The following LRFN2 variants were observed in gnomAD, a reference collection of about 807,000 sequenced individuals.
The protein encoded by LRFN2 is leucine-rich repeat and fibronectin type-III domain-containing protein 2.
A neutral mutation model predicts 37.3 loss-of-function variants in LRFN2; 18 were observed. The observed-to-expected ratio is 0.48, with a 90% confidence interval of 0.33 to 0.72. LRFN2 has a LOEUF of 0.72. Among genes scored for constraint, LRFN2 ranks in the 30% least tolerant of loss-of-function variants. The pLI, the probability that LRFN2 is intolerant of heterozygous loss-of-function variation, is 0.02. For missense variants in LRFN2, 1,006 were observed against 1,060.7 expected (o/e 0.95, Z 0.72); for synonymous variants, 556 against 466.6 (o/e 1.19, Z -2.47).
intron 1 of LRFN2, among the ~76,000 whole-genome samples, chr6:40,581,906 A>G (rs1279110102): frequency 6.6e-6 from 1 of 152,102 alleles, no homozygotes; most frequent in Non-Finnish European, 1.5e-5. Flanking sequence ...TGAAGTAGGA[A>G]CCTCCACAGA....
intron 1 of LRFN2, among the ~76,000 whole-genome samples, chr6:40,510,617 C>T (rs914900097): frequency 5.3e-5 from 8 of 152,214 alleles, no homozygotes; most frequent in African/African-American, 1.9e-4. Context: ...AAGAGCTGTG[C>T]CCCAGGGAGT....
intron 2 of LRFN2, among the ~76,000 whole-genome samples, chr6:40,412,557 G>T (rs745552396): frequency 1.3e-5 from 2 of 152,104 alleles, no homozygotes; most frequent in Non-Finnish European, 2.9e-5. Context: ...CCCCTAACAG[G>T]CTATGAGACT....
chr6:40,543,213 A>AT (rs1424440303), intron 1 of LRFN2, among the ~76,000 whole-genome samples: 1 of 152,232 alleles, frequency 6.6e-6, no homozygotes, highest in African/African-American at 2.4e-5. Flanking sequence ...TCCCTGCTTT[A>AT]TAGCGCAGAG....
chr6:40,405,811 A>G (rs748453093), intron 2 of LRFN2, among the ~76,000 whole-genome samples: 16 of 152,172 alleles, frequency 1.1e-4, no homozygotes, highest in South Asian at 2.1e-4. Context: ...GATGACAGGA[A>G]ATTAGGCCAA....
At chr6:40,585,629 C>T (rs1767486250) in intron 1 of LRFN2, among the ~76,000 whole-genome samples, 2 of 152,132 alleles carry the variant, frequency 1.3e-5, no homozygotes, top group African/African-American at 4.8e-5. Context: ...CCAAATCGGC[C>T]CCCACACAAG....
chr6:40,554,091 C>T (rs1293864220), intron 1 of LRFN2, among the ~76,000 whole-genome samples: 1 of 152,244 alleles, frequency 6.6e-6, no homozygotes, highest in African/African-American at 2.4e-5. Flanking sequence ...ATTGCCACCA[C>T]CTGGGAACCA....
At chr6:40,506,861 C>T (rs191430751) in intron 1 of LRFN2, among the ~76,000 whole-genome samples, 8 of 152,222 alleles carry the variant, frequency 5.3e-5, no homozygotes, top group African/African-American at 1.9e-4. Context: ...CTCATTTCTG[C>T]TCTGAGCCTC....
At chr6:40,577,661 C>T (rs1046795538) in intron 1 of LRFN2, among the ~76,000 whole-genome samples, 134 of 141,228 alleles carry the variant, frequency 9.5e-4, no homozygotes, top group African/African-American at 3.4e-3. Flanking sequence ...TCAATTCCCA[C>T]CTATGAGTGA....
chr6:40,468,066 G>A (rs1764512428), intron 1 of LRFN2, among the ~76,000 whole-genome samples: 1 of 152,026 alleles, frequency 6.6e-6, no homozygotes, highest in Non-Finnish European at 1.5e-5. Flanking sequence ...CCCAGGACGG[G>A]GGTTCCCAAA....
chr6:40,413,990 T>A (rs1364925818), intron 2 of LRFN2, among the ~76,000 whole-genome samples: 1 of 152,178 alleles, frequency 6.6e-6, no homozygotes, highest in Non-Finnish European at 1.5e-5. Flanking sequence ...GGCCTCTATT[T>A]TGAAGACATT....
chr6:40,468,966 G>T lies in LRFN2; in HGVS notation c.-18-35835C>A, dbSNP rs76854283. Among the ~76,000 whole-genome samples, 655 of 152,252 alleles carry T rather than the reference G, an allele frequency of 4.3e-3. 11 individuals are homozygous for T. The highest frequency in any genetic ancestry group is 0.037 in the East Asian group (190 of 5,186). ...GGGTTGAATGGAGGCCCCCCAAAAGGTATATCCACGTCCTAATCCCTGAAC... is the reference window on the plus strand; with the variant it reads ...GGGTTGAATGGAGGCCCCCCAAAAGTTATATCCACGTCCTAATCCCTGAAC... On this transcript the variant is annotated intron_variant, in intron 1 of 2. Coordinates refer to ENST00000338305, the MANE Select transcript of LRFN2 (RefSeq NM_020737.3).
chr6:40,406,255 T>A (rs1409090712), intron 2 of LRFN2, among the ~76,000 whole-genome samples: 1 of 152,206 alleles, frequency 6.6e-6, no homozygotes, highest in Non-Finnish European at 1.5e-5. Context: ...CAGTGCCTTG[T>A]CCCTAGTGAG....
At chr6:40,454,187 C>A (rs1193976300) in intron 1 of LRFN2, among the ~76,000 whole-genome samples, 2 of 152,140 alleles carry the variant, frequency 1.3e-5, no homozygotes, top group Admixed American at 6.5e-5. Flanking sequence ...TTGGTAGAGA[C>A]AAAGATGTTT....
chr6:40,530,507 T>C (rs997722641), intron 1 of LRFN2, among the ~76,000 whole-genome samples: 2 of 152,166 alleles, frequency 1.3e-5, no homozygotes, highest in African/African-American at 2.4e-5. Context: ...CTGCAACATA[T>C]GGCCCTGTTG....
At chr6:40,465,072 T>C (rs976328183) in intron 1 of LRFN2, among the ~76,000 whole-genome samples, 2 of 152,012 alleles carry the variant, frequency 1.3e-5, no homozygotes, top group Non-Finnish European at 2.9e-5. Flanking sequence ...GGTCCTTAAA[T>C]ATGAAAGAGG....
chr6:40,406,084 G>A (rs1762839451), intron 2 of LRFN2, among the ~76,000 whole-genome samples: 1 of 152,120 alleles, frequency 6.6e-6, no homozygotes, highest in Admixed American at 6.5e-5. Context: ...GGGAATCCAG[G>A]CACTGGCACT....
At chr6:40,430,335 T>G (rs1763451203) in intron 2 of LRFN2, among the ~76,000 whole-genome samples, 2 of 152,166 alleles carry the variant, frequency 1.3e-5, no homozygotes, top group Admixed American at 1.3e-4. Flanking sequence ...ATCCAGAGAC[T>G]CATCAACTCA....
intron 1 of LRFN2, among the ~76,000 whole-genome samples, chr6:40,503,724 G>A (rs972584268): frequency 6.6e-6 from 1 of 152,318 alleles, no homozygotes; most frequent in South Asian, 2.1e-4. Flanking sequence ...TATGTGCCAA[G>A]GTGCAGCCAA....
chr6:40,430,363 G>A (rs1332594886), intron 2 of LRFN2, among the ~76,000 whole-genome samples: 1 of 152,204 alleles, frequency 6.6e-6, no homozygotes, highest in Non-Finnish European at 1.5e-5. Flanking sequence ...AGAGCTGGAG[G>A]AGACCTCCAG....
Sources: gnomAD v4.1 joint callset for allele counts (sites outside exome capture counted in the v4.1 genomes callset) on GRCh38, gnomAD v4.1.1 for gene constraint, MANE v1.5 for transcripts, NCBI Gene and HGNC (gene_info 2026-07-23, HGNC 2026-07-21) for gene names.